CCDC91: variants seen among roughly 807,000 people sequenced by gnomAD.
The protein encoded by CCDC91 is coiled-coil domain containing 91.
CCDC91 carries 48 observed loss-of-function variants against 63.2 expected under a neutral mutation model. The observed-to-expected ratio is 0.76, with a 90% CI of 0.60 to 0.97. CCDC91 has a LOEUF of 0.97. Among genes scored for constraint, CCDC91 ranks in the 50% least tolerant of loss-of-function variants. CCDC91 has a pLI of 0.00. For synonymous variants in CCDC91, 167 were observed against 165.8 expected (o/e 1.01, Z -0.06); for missense variants, 500 against 494.6 (o/e 1.01, Z -0.10).
intron 8 of CCDC91, among the ~76,000 whole-genome samples, chr12:28,398,357 T>A (rs1946414007): frequency 6.6e-6 from 1 of 152,170 alleles, no homozygotes; most frequent in Non-Finnish European, 1.5e-5. Context: ...TCACATGTAT[T>A]AATAATTTAT....
At chr12:28,288,579 T>A (rs1386903595) in intron 3 of CCDC91, among the ~76,000 whole-genome samples, 1 of 152,180 alleles carries the variant, frequency 6.6e-6, no homozygotes, top group Non-Finnish European at 1.5e-5. Context: ...GATGTGCTGC[T>A]GGATTTGGTT....
intron 1 of CCDC91, among the ~76,000 whole-genome samples, chr12:28,192,262 G>A (rs899137133): frequency 6.6e-6 from 1 of 152,134 alleles, no homozygotes; most frequent in Non-Finnish European, 1.5e-5. Flanking sequence ...GGTGTAATAG[G>A]CATTTTATGT....
intron 3 of CCDC91, among the ~76,000 whole-genome samples, chr12:28,259,967 A>G (rs993397737): frequency 6.6e-6 from 1 of 152,014 alleles, no homozygotes; most frequent in Non-Finnish European, 1.5e-5. Context: ...TTGAGCTTTC[A>G]GAGTTTTCTG....
chr12:28,376,104 GT>G (rs1944926544), intron 7 of CCDC91, among the ~76,000 whole-genome samples: 1 of 151,760 alleles, frequency 6.6e-6, no homozygotes, highest in South Asian at 2.1e-4. Flanking sequence ...CTAGACATTT[GT>G]CGAGTTTTTC....
At chr12:28,391,236 A>G in intron 7 of CCDC91, 68 bp from the exon 8 acceptor site, 1 of 871,034 alleles carries the variant, frequency 1.1e-6, no homozygotes, top group Non-Finnish European at 1.9e-6. Context: ...TGTCAAAAAT[A>G]TTCTCGTGCC....
intron 3 of CCDC91, among the ~76,000 whole-genome samples, chr12:28,275,923 C>T (rs991463613): frequency 6.6e-6 from 1 of 152,016 alleles, no homozygotes; most frequent in Non-Finnish European, 1.5e-5. Flanking sequence ...ATTCAACAAC[C>T]CTTCATGCGA....
chr12:28,304,375 T>TAAAAAAAAA (rs777296414), intron 3 of CCDC91, among the ~76,000 whole-genome samples: 20 of 73,576 alleles, frequency 2.7e-4, no homozygotes, highest in African/African-American at 5.3e-4. Context: ...AGACTCCGTC[T>TAAAAAAAAA]AAAAAAAAAA....
chr12:28,498,841 C>T (rs1410144857), intron 12 of CCDC91, among the ~76,000 whole-genome samples: 2 of 151,576 alleles, frequency 1.3e-5, no homozygotes, highest in African/African-American at 4.8e-5. Context: ...GTAAATAAAA[C>T]AGACAAAAAT....
intron 8 of CCDC91, among the ~76,000 whole-genome samples, chr12:28,437,998 G>A (rs145815682): frequency 1.1e-3 from 165 of 152,206 alleles, no homozygotes; most frequent in African/African-American, 3.6e-3. Flanking sequence ...GACTAAATAC[G>A]TAGTATTTTC....
chr12:28,254,927 A>C (rs1291790322), intron 1 of CCDC91, among the ~76,000 whole-genome samples: 1 of 151,892 alleles, frequency 6.6e-6, no homozygotes, highest in African/African-American at 2.4e-5. Context: ...GTGTGCCACC[A>C]CACCTGGCTA....
At chr12:28,336,188 G>T (rs1039817471) in intron 6 of CCDC91, among the ~76,000 whole-genome samples, 3 of 151,900 alleles carry the variant, frequency 2.0e-5, no homozygotes, top group African/African-American at 7.3e-5. Context: ...AGAAGAACAG[G>T]ATACTCCCAG....
At chr12:28,213,248 A>G (rs1407930653) in intron 1 of CCDC91, among the ~76,000 whole-genome samples, 2 of 152,294 alleles carry the variant, frequency 1.3e-5, no homozygotes, top group East Asian at 1.9e-4. Flanking sequence ...GACAATTCTC[A>G]AGACCTCTCC....
intron 6 of CCDC91, among the ~76,000 whole-genome samples, chr12:28,344,313 A>G (rs1355051183): frequency 1.3e-5 from 2 of 152,016 alleles, no homozygotes; most frequent in African/African-American, 2.4e-5. Context: ...ATATTTGCCT[A>G]TTTTTCCTTC....
At chr12:28,217,719 A>G (rs1453999514) in intron 1 of CCDC91, among the ~76,000 whole-genome samples, 1 of 152,092 alleles carries the variant, frequency 6.6e-6, no homozygotes, top group African/African-American at 2.4e-5. Flanking sequence ...GCAGGCTAGG[A>G]TAAAACTCTA....
chr12:28,368,551 G>T (rs771668402), intron 7 of CCDC91, among the ~76,000 whole-genome samples: 2 of 152,154 alleles, frequency 1.3e-5, no homozygotes, highest in Non-Finnish European at 2.9e-5. Flanking sequence ...GTGGGGTGGT[G>T]AAATCTCTAA....
At chr12:28,336,572 A>T (rs1941998234) in intron 6 of CCDC91, among the ~76,000 whole-genome samples, 1 of 152,122 alleles carries the variant, frequency 6.6e-6, no homozygotes, top group Admixed American at 6.5e-5. Context: ...CTTGTTGGTG[A>T]CTATTTTCTG....
chr12:28,454,135 C>T (rs1284980524), intron 11 of CCDC91, among the ~76,000 whole-genome samples: 1 of 152,044 alleles, frequency 6.6e-6, no homozygotes. Context: ...AAGTCTCTGC[C>T]AAGTTAAATT....
At chr12:28,194,867 C>G (rs1437752271) in intron 1 of CCDC91, among the ~76,000 whole-genome samples, 2 of 152,038 alleles carry the variant, frequency 1.3e-5, no homozygotes, top group African/African-American at 4.8e-5. Flanking sequence ...GTTCGTTCTT[C>G]CTGGTGGGTT....
intron 3 of CCDC91, among the ~76,000 whole-genome samples, chr12:28,294,819 A>G (rs1004990774): frequency 6.6e-6 from 1 of 152,144 alleles, no homozygotes; most frequent in African/African-American, 2.4e-5. Flanking sequence ...TCCCGACCTC[A>G]GGTGATCCAC....
Sources: gnomAD v4.1 joint callset for allele counts (sites outside exome capture counted in the v4.1 genomes callset) on GRCh38, gnomAD v4.1.1 for gene constraint, MANE v1.5 for transcripts, NCBI Gene and HGNC (gene_info 2026-07-23, HGNC 2026-07-21) for gene names.